The following TBC1D5 variants were observed in gnomAD, a reference collection of about 807,000 sequenced individuals.
TBC1D5 encodes the protein TBC1 domain family member 5, also known as TBC1 domain family, member 5.
In TBC1D5, 75 loss-of-function variants were observed where a neutral mutation model predicts 100.3. The ratio of observed to expected loss-of-function variants is 0.75; its 90% CI spans 0.62 to 0.91. The LOEUF is 0.91. Ranked by LOEUF, TBC1D5 falls within the 40% of genes least tolerant of loss-of-function variation. The pLI is 0.00. For synonymous variants in TBC1D5, 323 were observed against 325.6 expected, an observed-to-expected ratio of 0.99 and a Z score of 0.09; for missense variants, 910 against 942.4, an observed-to-expected ratio of 0.97 and a Z score of 0.45.
chr3:17,416,672 T>A (rs1023939957), intron 4 of TBC1D5, among the ~76,000 whole-genome samples: 1 of 152,224 alleles, frequency 6.6e-6, no homozygotes, highest in African/African-American at 2.4e-5. Context: ...TAGATATGGA[T>A]ATAATCTTTT....
At chr3:17,606,077 C>T (rs1392984580) in intron 2 of TBC1D5, among the ~76,000 whole-genome samples, 1 of 152,152 alleles carries the variant, frequency 6.6e-6, no homozygotes, top group Non-Finnish European at 1.5e-5. Flanking sequence ...CCACACCTCC[C>T]CTTCTCCTGA....
intron 1 of TBC1D5, among the ~76,000 whole-genome samples, chr3:17,686,708 A>G (rs2070333025): frequency 6.6e-6 from 1 of 152,186 alleles, no homozygotes; most frequent in African/African-American, 2.4e-5. Context: ...GAAAATTCTA[A>G]AACACCTATA....
At chr3:17,638,568 A>G (rs1349331457) in intron 1 of TBC1D5, among the ~76,000 whole-genome samples, 2 of 152,182 alleles carry the variant, frequency 1.3e-5, no homozygotes, top group African/African-American at 4.8e-5. Context: ...CAGCAGTAAT[A>G]TAAAGTATAA....
chr3:17,682,236 C>A (rs1013574720), intron 1 of TBC1D5, among the ~76,000 whole-genome samples: 1 of 151,040 alleles, frequency 6.6e-6, no homozygotes, highest in Non-Finnish European at 1.5e-5. Context: ...TGCTTGAGCC[C>A]AGGAGTTCAA....
chr3:17,419,052 A>G (rs1260298718), intron 4 of TBC1D5, among the ~76,000 whole-genome samples: 1 of 152,238 alleles, frequency 6.6e-6, no homozygotes. Flanking sequence ...GAATACTGAC[A>G]GATAACCATA....
At chr3:17,569,283 C>T (rs141453143) in intron 2 of TBC1D5, among the ~76,000 whole-genome samples, 165 of 151,732 alleles carry the variant, frequency 1.1e-3, no homozygotes, top group African/African-American at 3.4e-3. Context: ...TTAAATCAGT[C>T]GACTGGATGA....
intron 14 of TBC1D5, among the ~76,000 whole-genome samples, chr3:17,302,913 C>T (rs899380183): frequency 6.6e-6 from 1 of 152,072 alleles, no homozygotes; most frequent in Admixed American, 6.6e-5. Flanking sequence ...CTTTGGAAGC[C>T]CTAGCAAGAC....
chr3:17,601,403 C>G (rs1273505880), intron 2 of TBC1D5, among the ~76,000 whole-genome samples: 1 of 152,142 alleles, frequency 6.6e-6, no homozygotes, highest in Non-Finnish European at 1.5e-5. Context: ...CCCAGCTACT[C>G]CAGAGGCTGA....
At chr3:17,357,113 A>G (rs1346997436) in intron 13 of TBC1D5, among the ~76,000 whole-genome samples, 1 of 152,162 alleles carries the variant, frequency 6.6e-6, no homozygotes, top group African/African-American at 2.4e-5. Flanking sequence ...ATTATGTCTT[A>G]CCACCAGCAG....
intron 2 of TBC1D5, among the ~76,000 whole-genome samples, chr3:17,592,665 G>A (rs1334425989): frequency 2.0e-5 from 3 of 152,198 alleles, no homozygotes; most frequent in Non-Finnish European, 1.5e-5. Flanking sequence ...CAACAAGTCC[G>A]AGCTATTGTG....
intron 1 of TBC1D5, among the ~76,000 whole-genome samples, chr3:17,680,893 A>C (rs1309619413): frequency 6.6e-6 from 1 of 151,458 alleles, no homozygotes; most frequent in African/African-American, 2.5e-5. Flanking sequence ...ATACATGCCA[A>C]ATTTTGCAAC....
At chr3:17,445,753 G>A (rs931225403) in intron 3 of TBC1D5, among the ~76,000 whole-genome samples, 1 of 152,058 alleles carries the variant, frequency 6.6e-6, no homozygotes, top group Middle Eastern at 3.2e-3. Context: ...CTTTATCATA[G>A]GTATGTACGT....
intron 18 of TBC1D5, among the ~76,000 whole-genome samples, chr3:17,203,567 G>C (rs2071758862): frequency 6.6e-6 from 1 of 152,208 alleles, no homozygotes; most frequent in Non-Finnish European, 1.5e-5. Context: ...ATCTTGAATT[G>C]TAATCCTCTG....
chr3:17,545,694 C>T (rs2096408015), intron 2 of TBC1D5, among the ~76,000 whole-genome samples: 1 of 152,070 alleles, frequency 6.6e-6, no homozygotes, highest in South Asian at 2.1e-4. Context: ...ACACAACATT[C>T]AATGGGTCAC....
At chr3:17,598,038 A>G (rs1576931207) in intron 2 of TBC1D5, among the ~76,000 whole-genome samples, 2 of 141,776 alleles carry the variant, frequency 1.4e-5, no homozygotes, top group South Asian at 4.5e-4. Context: ...CACTCTATCT[A>G]AATGGGCCAA....
intron 3 of TBC1D5, among the ~76,000 whole-genome samples, chr3:17,506,684 C>T (rs911505321): frequency 5.9e-5 from 9 of 151,306 alleles, no homozygotes; most frequent in Admixed American, 2.0e-4. Context: ...AGGATATAAA[C>T]GAAAAGCCTT....
chr3:17,433,398 T>C (rs143922500), intron 3 of TBC1D5, among the ~76,000 whole-genome samples: 2 of 152,196 alleles, frequency 1.3e-5, no homozygotes, highest in African/African-American at 4.8e-5. Flanking sequence ...CTTACAATCA[T>C]AGCAAAAGGG....
chr3:17,656,900 G>A (rs2066121185), intron 1 of TBC1D5, among the ~76,000 whole-genome samples: 1 of 152,124 alleles, frequency 6.6e-6, no homozygotes. Flanking sequence ...CTGATGGAAT[G>A]AGGTACAGAT....
chr3:17,473,121 C>G (rs745849163), intron 3 of TBC1D5, among the ~76,000 whole-genome samples: 1 of 152,134 alleles, frequency 6.6e-6, no homozygotes, highest in Non-Finnish European at 1.5e-5. Flanking sequence ...GTGTAAATAT[C>G]TCGGTCAAGT....
Sources: gnomAD v4.1 joint callset for allele counts (sites outside exome capture counted in the v4.1 genomes callset) on GRCh38, gnomAD v4.1.1 for gene constraint, MANE v1.5 for transcripts, NCBI Gene and HGNC (gene_info 2026-07-23, HGNC 2026-07-21) for gene names.